Variants in PHACTR1 observed in about 807,000 individuals in gnomAD.
The protein encoded by PHACTR1 is RPEL repeat containing 1.
PHACTR1 carries 16 observed loss-of-function variants against 69.2 expected under a neutral mutation model. That is an observed-to-expected ratio of 0.23 (90% CI 0.16 to 0.35). PHACTR1 has a LOEUF of 0.35. Ranked by LOEUF, PHACTR1 falls within the 10% of genes least tolerant of loss-of-function variation. The pLI, the probability that PHACTR1 is intolerant of heterozygous loss-of-function variation, is 1.00. For missense variants in PHACTR1, 510 were observed against 734.7 expected (o/e 0.69, Z 3.54); for synonymous variants, 312 against 284.5 (o/e 1.10, Z -0.97).
chr6:12,755,555 T>C (rs922856315), intron 4 of PHACTR1, among the ~76,000 whole-genome samples: 2 of 152,182 alleles, frequency 1.3e-5, no homozygotes, highest in African/African-American at 4.8e-5. Flanking sequence ...ATGGAAATTT[T>C]TGAGTTAAAA....
At chr6:12,973,916 ATTTTT>A (rs33948457) in intron 4 of PHACTR1, among the ~76,000 whole-genome samples, 3 of 92,864 alleles carry the variant, frequency 3.2e-5, no homozygotes, top group Non-Finnish European at 6.0e-5. Flanking sequence ...AGAGGCTGGG[ATTTTT>A]TTTTTTTTTT....
intron 4 of PHACTR1, among the ~76,000 whole-genome samples, chr6:12,994,136 C>T (rs891078606): frequency 2.0e-5 from 3 of 152,024 alleles, no homozygotes; most frequent in Non-Finnish European, 2.9e-5. Flanking sequence ...TGAAATTAAA[C>T]ACTAATTAAA....
intron 4 of PHACTR1, among the ~76,000 whole-genome samples, chr6:12,970,447 T>C (rs1794054302): frequency 6.6e-6 from 1 of 152,196 alleles, no homozygotes; most frequent in Non-Finnish European, 1.5e-5. Context: ...TGCACAGCAG[T>C]ATTTTAGAAT....
chr6:13,177,455 G>GTA (rs540825034), intron 6 of PHACTR1, among the ~76,000 whole-genome samples: 2,052 of 149,178 alleles, frequency 0.014, 46 homozygotes, highest in African/African-American at 0.048. Context: ...GTGTGTGTGT[G>GTA]TATATATATA....
At chr6:13,047,215 TAAAAATAC>T (rs911040734) in intron 4 of PHACTR1, among the ~76,000 whole-genome samples, 1 of 151,784 alleles carries the variant, frequency 6.6e-6, no homozygotes, top group African/African-American at 2.4e-5. Context: ...TTGTCTCTGC[TAAAAATAC>T]AAAAATTAGC....
chr6:12,934,464 T>C (rs973591145), intron 4 of PHACTR1, among the ~76,000 whole-genome samples: 9 of 152,164 alleles, frequency 5.9e-5, no homozygotes, highest in Admixed American at 2.6e-4. Flanking sequence ...AGTGATGGTT[T>C]TGAGGAGCTA....
At chr6:12,872,983 CTTCT>C (rs1456093171) in intron 4 of PHACTR1, among the ~76,000 whole-genome samples, 4 of 146,828 alleles carry the variant, frequency 2.7e-5, no homozygotes, top group Non-Finnish European at 6.0e-5. Flanking sequence ...TCCTTCCTTC[CTTCT>C]TTCTTTCCTT....
At chr6:13,271,647 T>G (rs1269835869) in intron 10 of PHACTR1, among the ~76,000 whole-genome samples, 1 of 152,136 alleles carries the variant, frequency 6.6e-6, no homozygotes, top group Non-Finnish European at 1.5e-5. Context: ...TACTTATATC[T>G]AATACAAGAT....
intron 4 of PHACTR1, among the ~76,000 whole-genome samples, chr6:12,783,712 T>C (rs1561878374): frequency 6.6e-6 from 1 of 152,200 alleles, no homozygotes; most frequent in Non-Finnish European, 1.5e-5. Flanking sequence ...TTGCCTCCTT[T>C]TCACAAAGGA....
intron 4 of PHACTR1, among the ~76,000 whole-genome samples, chr6:12,992,387 G>C (rs1398672317): frequency 6.6e-6 from 1 of 152,166 alleles, no homozygotes; most frequent in African/African-American, 2.4e-5. Context: ...TCTTAATATA[G>C]TGTTAATTAT....
intron 4 of PHACTR1, among the ~76,000 whole-genome samples, chr6:13,043,523 A>C (rs191871629): frequency 1.1e-4 from 16 of 152,358 alleles, no homozygotes; most frequent in African/African-American, 3.4e-4. Context: ...CATGCAGGCC[A>C]GATGCTTGTT....
chr6:12,897,746 G>A (rs1040639630), intron 4 of PHACTR1, among the ~76,000 whole-genome samples: 1 of 140,336 alleles, frequency 7.1e-6, no homozygotes, highest in African/African-American at 2.6e-5. Context: ...TTAAGTTCTG[G>A]GGTACATGTG....
intron 4 of PHACTR1, among the ~76,000 whole-genome samples, chr6:12,812,628 A>T (rs1775148013): frequency 6.6e-6 from 1 of 152,220 alleles, no homozygotes; most frequent in Non-Finnish European, 1.5e-5. Flanking sequence ...CCCCTAGCTT[A>T]TTCAGCCCTG....
chr6:13,274,042 G>A (rs1196147346), intron 11 of PHACTR1: 1 of 152,184 alleles, frequency 6.6e-6, no homozygotes, highest in Non-Finnish European at 1.5e-5. Flanking sequence ...TTGTGACTTG[G>A]TCGGCATTTC....
At chr6:12,819,930 A>G (rs1776013354) in intron 4 of PHACTR1, among the ~76,000 whole-genome samples, 1 of 152,284 alleles carries the variant, frequency 6.6e-6, no homozygotes, top group South Asian at 2.1e-4. Flanking sequence ...GAGACTAGTC[A>G]CACCAAGCAT....
At chr6:13,233,156 C>T (rs1439526073) in intron 10 of PHACTR1, among the ~76,000 whole-genome samples, 1 of 152,194 alleles carries the variant, frequency 6.6e-6, no homozygotes, top group Non-Finnish European at 1.5e-5. Flanking sequence ...AAAAGGGAGA[C>T]AATCCCAGCC....
At chr6:13,137,440 C>T (rs2113296687) in intron 5 of PHACTR1, among the ~76,000 whole-genome samples, 1 of 152,312 alleles carries the variant, frequency 6.6e-6, no homozygotes, top group African/African-American at 2.4e-5. Context: ...AAATGAATAA[C>T]TGAACTGGTT....
At chr6:12,964,524 G>A (rs542978025) in intron 4 of PHACTR1, among the ~76,000 whole-genome samples, 5 of 152,268 alleles carry the variant, frequency 3.3e-5, no homozygotes, top group East Asian at 3.9e-4. Flanking sequence ...GGGAAGGCAC[G>A]CCTGGAGTGT....
chr6:13,206,219 G>C lies in PHACTR1; in HGVS notation c.986+83G>C, dbSNP rs577787050. On this transcript the variant is annotated intron_variant, in intron 8 of 14. Coordinates refer to ENST00000332995, the MANE Select transcript of PHACTR1 (RefSeq NM_030948.6). ...CCTAGGGATTTGGACCATGACTTAG[G>C]AATGTGAACAAGGGGTCATCCCCAC... is the stretch of plus-strand genomic sequence containing the variant. 3.9e-5 allele frequency: 53 copies of C among 1,347,026 alleles called. No individual in the cohort carries two copies. The East Asian group carries it at 7.1e-4, about 18-fold the overall frequency. 83.4% of individuals were successfully genotyped at this position (1,347,026 alleles called of 1,614,324 possible). A position where few individuals can be genotyped will look rare whatever the true frequency, so the allele number is the denominator to read the frequency against.
Sources: gnomAD v4.1 joint callset for allele counts (sites outside exome capture counted in the v4.1 genomes callset) on GRCh38, gnomAD v4.1.1 for gene constraint, MANE v1.5 for transcripts, NCBI Gene and HGNC (gene_info 2026-07-23, HGNC 2026-07-21) for gene names.